Variants in WDR59 observed in about 807,000 individuals in gnomAD.
The protein encoded by WDR59 is WD repeat domain 59.
Under a neutral mutation model 131.2 loss-of-function variants are expected in WDR59, and 100 were observed. The ratio of observed to expected loss-of-function variants is 0.76; its 90% CI spans 0.65 to 0.90. The LOEUF (loss-of-function observed/expected upper bound fraction) is 0.90, where lower values mean the gene tolerates loss of function less well. WDR59 is among the 40% of genes least tolerant of loss of function. The pLI is 0.00. For synonymous variants in WDR59, 601 were observed against 466.2 expected (o/e 1.29, Z -3.72); for missense variants, 1,203 against 1,262.2 (o/e 0.95, Z 0.71).
intron 25 of WDR59, among the ~76,000 whole-genome samples, chr16:74,879,529 C>T (rs1173374835): frequency 1.3e-5 from 2 of 152,174 alleles, no homozygotes; most frequent in Non-Finnish European, 2.9e-5. Flanking sequence ...AATTACTTAG[C>T]AGGGACTGAA....
chr16:74,934,002 A>G (rs2031604047), intron 8 of WDR59, among the ~76,000 whole-genome samples: 1 of 152,236 alleles, frequency 6.6e-6, no homozygotes, highest in African/African-American at 2.4e-5. Flanking sequence ...GGTTTCCCAC[A>G]TGGCCACAGG....
chr16:74,935,335 GA>G (rs566441787), intron 8 of WDR59, among the ~76,000 whole-genome samples: 1 of 149,998 alleles, frequency 6.7e-6, no homozygotes, highest in East Asian at 1.9e-4. Flanking sequence ...CAAGATCAGG[GA>G]AAAAAAAAGA....
In WDR59 at chr16:74,873,956, C is replaced by T. The variant is rs1444678796; in HGVS notation, c.*253G>A. 1.5e-5 allele frequency: 7 copies of T among 478,376 alleles called. No individual in the cohort carries two copies. Among genetic ancestry groups the T allele is most frequent in the South Asian group, 2.6e-5 (1 of 38,500 alleles). 29.6% of individuals were successfully genotyped at this position (478,376 alleles called of 1,614,324 possible). ...AAAACTTCCACCTTGGTAGCTCAGC[C>T]GACATAGACAACACACAAAGCGCAG... On this transcript the variant is annotated 3_prime_UTR_variant, in exon 26 of 26. Transcript: ENST00000262144.
chr16:74,924,223 G>C (rs751716754), intron 8 of WDR59, among the ~76,000 whole-genome samples: 8 of 152,122 alleles, frequency 5.3e-5, no homozygotes, highest in Non-Finnish European at 1.0e-4. Context: ...GACTTTATGA[G>C]GACCACTAAA....
intron 3 of WDR59, 54 bp downstream of exon 3, chr16:74,956,421 A>G: frequency 6.3e-7 from 1 of 1,592,384 alleles, no homozygotes; most frequent in South Asian, 1.1e-5. Flanking sequence ...TAGATCTGCC[A>G]GCCCCAGATG....
At position 74,922,569 on chromosome 16, in the gene WDR59, C is replaced by G. The variant is rs115547418; in HGVS notation, c.730-466G>C. ...CCACATGAAGCATCACCTTCCCGCC[C>G]CCCCGGCACTGCAACTGCTCAAAGG... On this transcript the variant is annotated intron_variant, in intron 9 of 25. Coordinates refer to ENST00000262144, the MANE Select transcript of WDR59 (RefSeq NM_030581.4). 2.3e-3 allele frequency among the ~76,000 whole-genome samples: 356 copies of G among 152,258 alleles called. 1 individual carries two copies. The highest frequency in any genetic ancestry group is 8.3e-3 in the African/African-American group (346 of 41,564).
intron 2 of WDR59, chr16:74,959,283 A>C (rs1381051801): frequency 3.6e-6 from 1 of 274,758 alleles, no homozygotes; most frequent in Admixed American, 5.0e-5. Flanking sequence ...AACAAAAGCA[A>C]GCAAACAACA....
At chr16:74,925,588 G>A (rs559437074) in intron 8 of WDR59, among the ~76,000 whole-genome samples, 2 of 150,864 alleles carry the variant, frequency 1.3e-5, no homozygotes, top group African/African-American at 4.9e-5. Context: ...AAATTATAGT[G>A]ATGGGGAACA....
intron 1 of WDR59, among the ~76,000 whole-genome samples, chr16:74,981,257 T>A (rs901263682): frequency 1.3e-5 from 2 of 151,150 alleles, no homozygotes; most frequent in African/African-American, 4.9e-5. Context: ...GCGCCTGTAG[T>A]CCCAGCTACT....
At chr16:74,980,644 G>A (rs750089802) in intron 1 of WDR59, among the ~76,000 whole-genome samples, 20 of 151,948 alleles carry the variant, frequency 1.3e-4, no homozygotes, top group South Asian at 8.3e-4. Context: ...GTTAGCCTAC[G>A]CCCAGCCAAA....
Position 74,949,796 on chromosome 16 carries a change from T to C in WDR59, c.329A>G (p.Asp110Gly). ...AGGCTCAAACACCGCCCAGTCCAAG[T>C]CGCTGGGACACAAAGAATAAACAGA... ...TLQGHTRVIS[D>G]LDWAVFEPDL... Residue 110 changes from aspartate to glycine, a missense_variant and splice_region_variant, in exon 5 of 26, where the codon GAC becomes GGC. Asp to Gly is a moderately conservative substitution (Grantham distance 94, BLOSUM62 -1). Coordinates refer to ENST00000262144, the MANE Select transcript of WDR59 (RefSeq NM_030581.4). 1 of 1,613,810 alleles carries C rather than the reference T, an allele frequency of 6.2e-7. No homozygotes were observed. The highest frequency in any genetic ancestry group is 8.5e-7 in the Non-Finnish European group (1 of 1,179,804).
intron 25 of WDR59, among the ~76,000 whole-genome samples, chr16:74,880,637 C>T (rs1282296707): frequency 6.6e-6 from 1 of 152,114 alleles, no homozygotes; most frequent in Non-Finnish European, 1.5e-5. Context: ...ACTGACTACC[C>T]TGAGGATCAC....
chr16:74,956,523 A>C lies in WDR59; in HGVS notation c.192T>G (p.Ala64=), dbSNP rs1034787185. 1 of 1,614,058 alleles carries C rather than the reference A, an allele frequency of 6.2e-7. No homozygotes were observed. The highest frequency in any genetic ancestry group is 1.3e-5 in the African/African-American group (1 of 74,920). ...AGCTGTCATGAGGATTCCACTGCAC[A>C]GCTCCAATGTCCCATTTGCTCTGGC... ...ISRQSKWDIG[A]VQWNPHDSFA... is the part of the protein sequence containing the mutation. The change falls in exon 3 of 26, where the codon GCT becomes GCG. Residue 64 remains alanine, a synonymous_variant. Transcript: ENST00000262144.
intron 17 of WDR59, among the ~76,000 whole-genome samples, chr16:74,906,168 G>A (rs1965804658): frequency 6.6e-6 from 1 of 151,626 alleles, no homozygotes; most frequent in South Asian, 2.1e-4. Flanking sequence ...CAAAAAATTA[G>A]CCGGGCGTGG....
intron 25 of WDR59, among the ~76,000 whole-genome samples, chr16:74,876,667 G>A (rs1302376295): frequency 1.3e-5 from 2 of 152,016 alleles, no homozygotes; most frequent in Non-Finnish European, 2.9e-5. Context: ...GGGGGATCTG[G>A]ACAATTTCTA....
At chr16:74,890,170 A>G (rs1337635373) in intron 20 of WDR59, among the ~76,000 whole-genome samples, 1 of 152,190 alleles carries the variant, frequency 6.6e-6, no homozygotes, top group African/African-American at 2.4e-5. Context: ...TACTTTTTTG[A>G]GACAGAGTCT....
At chr16:74,931,873 CAA>C (rs200923487) in intron 8 of WDR59, among the ~76,000 whole-genome samples, 1 of 143,218 alleles carries the variant, frequency 7.0e-6, no homozygotes. Context: ...GATCTTGTCT[CAA>C]AAAAAAAAGA....
At chr16:74,981,779 C>T (rs2034439803) in intron 1 of WDR59, among the ~76,000 whole-genome samples, 1 of 140,234 alleles carries the variant, frequency 7.1e-6, no homozygotes, top group East Asian at 2.2e-4. Flanking sequence ...CCTTAGCCTC[C>T]CAAGTAGCTG....
intron 7 of WDR59, among the ~76,000 whole-genome samples, chr16:74,941,320 G>A (rs2032203813): frequency 7.1e-6 from 1 of 140,414 alleles, no homozygotes; most frequent in Non-Finnish European, 1.5e-5. Flanking sequence ...CAGTCTGGGT[G>A]ACAGAATGAG....
Sources: allele counts gnomAD v4.1 joint callset (sites outside exome capture counted in the v4.1 genomes callset), GRCh38; gene constraint gnomAD v4.1.1; transcripts MANE v1.5; gene names NCBI Gene and HGNC (gene_info 2026-07-23, HGNC 2026-07-21).